The following DCDC1 variants were observed in gnomAD, a reference collection of about 807,000 sequenced individuals.
DCDC1 encodes the protein doublecortin domain containing 1.
In DCDC1, 200 loss-of-function variants were observed where a neutral mutation model predicts 178.3. The observed-to-expected ratio is 1.12, with a 90% CI of 1.00 to 1.26. The LOEUF is 1.26. Among genes scored for constraint, DCDC1 ranks in the 50% most tolerant of loss-of-function variants. DCDC1 has a pLI of 0.00. For missense variants in DCDC1, 1,983 were observed against 1,749.2 expected (o/e 1.13, Z -2.38); for synonymous variants, 690 against 604.8 (o/e 1.14, Z -2.07).
chr11:31,193,239 T>C (rs1970322384), intron 9 of DCDC1, among the ~76,000 whole-genome samples: 1 of 152,050 alleles, frequency 6.6e-6, no homozygotes, highest in Admixed American at 6.6e-5. Flanking sequence ...TCCTCTCTTA[T>C]ATATCTATAT....
At chr11:30,985,861 A>AT (rs1299177778) in intron 20 of DCDC1, among the ~76,000 whole-genome samples, 2 of 152,142 alleles carry the variant, frequency 1.3e-5, no homozygotes, top group African/African-American at 4.8e-5. Flanking sequence ...ATTATGACAA[A>AT]TTTTTTTAAT....
intron 7 of DCDC1, among the ~76,000 whole-genome samples, chr11:31,267,350 C>T (rs1945237334): frequency 6.6e-6 from 1 of 152,042 alleles, no homozygotes; most frequent in South Asian, 2.1e-4. Context: ...GCCACCACGC[C>T]CGGCTAATTT....
chr11:31,282,989 T>C (rs2137301130), intron 7 of DCDC1, among the ~76,000 whole-genome samples: 1 of 152,298 alleles, frequency 6.6e-6, no homozygotes, highest in African/African-American at 2.4e-5. Context: ...ATGTGTTTCC[T>C]CCCCTCTGGT....
intron 1 of DCDC1, among the ~76,000 whole-genome samples, chr11:31,346,646 TA>T (rs1023399864): frequency 5.3e-5 from 8 of 152,196 alleles, no homozygotes; most frequent in Admixed American, 5.2e-4. Context: ...GAAATGATTG[TA>T]TTGAATATGA....
intron 9 of DCDC1, among the ~76,000 whole-genome samples, chr11:31,237,360 T>C (rs949157041): frequency 2.0e-5 from 3 of 151,908 alleles, no homozygotes; most frequent in Non-Finnish European, 4.4e-5. Context: ...ATCTGCAATA[T>C]TGTTACAATT....
At chr11:30,932,214 GA>G (rs10717611) in intron 21 of DCDC1, among the ~76,000 whole-genome samples, 152,199 of 152,202 alleles carry the variant, frequency 1, 76,098 homozygotes, top group Middle Eastern at 1. Flanking sequence ...CATCATTCTC[GA>G]AAAAATAGAA....
chr11:30,957,949 T>A (rs1213236712), intron 20 of DCDC1, among the ~76,000 whole-genome samples: 1 of 152,160 alleles, frequency 6.6e-6, no homozygotes, highest in Admixed American at 6.6e-5. Context: ...GCAGAAGAAC[T>A]CAAGCCTGGT....
intron 30 of DCDC1, 181 bp downstream of exon 30, chr11:30,906,359 C>A (rs1945059870): frequency 3.2e-6 from 2 of 619,884 alleles, no homozygotes; most frequent in South Asian, 5.0e-5. Context: ...TATTAATAGA[C>A]AATGCATTTT....
intron 7 of DCDC1, among the ~76,000 whole-genome samples, chr11:31,267,668 A>T (rs1945262142): frequency 6.6e-6 from 1 of 152,202 alleles, no homozygotes; most frequent in African/African-American, 2.4e-5. Flanking sequence ...TTCTTCAGTG[A>T]CTACTGCCCA....
chr11:31,125,920 T>TA (rs905138972), intron 11 of DCDC1, among the ~76,000 whole-genome samples: 1 of 150,364 alleles, frequency 6.7e-6, no homozygotes, highest in Non-Finnish European at 1.5e-5. Flanking sequence ...CCCTAGAACT[T>TA]AAAAAAAAAT....
At chr11:31,205,742 A>C (rs1365182554) in intron 9 of DCDC1, among the ~76,000 whole-genome samples, 2 of 152,206 alleles carry the variant, frequency 1.3e-5, no homozygotes, top group Non-Finnish European at 2.9e-5. Flanking sequence ...TCAGATTTGC[A>C]AATAAAAATT....
chr11:30,975,104 A>G (rs1279829231), intron 20 of DCDC1, among the ~76,000 whole-genome samples: 2 of 152,148 alleles, frequency 1.3e-5, no homozygotes, highest in African/African-American at 4.8e-5. Flanking sequence ...ATACATCAAG[A>G]GAATGAGGTA....
At chr11:30,972,843 A>T (rs147521708) in intron 20 of DCDC1, among the ~76,000 whole-genome samples, 1 of 152,174 alleles carries the variant, frequency 6.6e-6, no homozygotes, top group African/African-American at 2.4e-5. Flanking sequence ...CTCATGTTCA[A>T]TTATAATCCC....
intron 9 of DCDC1, among the ~76,000 whole-genome samples, chr11:31,209,769 G>T (rs1388618959): frequency 2.6e-5 from 4 of 152,170 alleles, no homozygotes; most frequent in African/African-American, 9.7e-5. Flanking sequence ...AGAGAGGAAT[G>T]CTGGAAAGGT....
At chr11:31,343,232 C>CAGTCT (rs1294936666) in intron 1 of DCDC1, among the ~76,000 whole-genome samples, 1 of 152,140 alleles carries the variant, frequency 6.6e-6, no homozygotes, top group Non-Finnish European at 1.5e-5. Flanking sequence ...GCGAGAGGAT[C>CAGTCT]ACTTGAGCCC....
chr11:31,087,634 T>G (rs553040355), intron 17 of DCDC1, among the ~76,000 whole-genome samples: 3 of 152,254 alleles, frequency 2.0e-5, no homozygotes, highest in Admixed American at 2.0e-4. Context: ...ATCTGGGGGT[T>G]TTGCAGAAAA....
chr11:31,118,561 A>G (rs866612824), intron 11 of DCDC1, among the ~76,000 whole-genome samples: 3 of 152,178 alleles, frequency 2.0e-5, no homozygotes, highest in Non-Finnish European at 4.4e-5. Flanking sequence ...TATGTAGGAA[A>G]GGAATCTCAG....
At chr11:30,970,030 C>T (rs1441209238) in intron 20 of DCDC1, among the ~76,000 whole-genome samples, 2 of 151,994 alleles carry the variant, frequency 1.3e-5, no homozygotes, top group South Asian at 4.1e-4. Context: ...ACAGAAAACA[C>T]CAAAAGCAAG....
chr11:31,222,170 C>T (rs1246578896), intron 9 of DCDC1, among the ~76,000 whole-genome samples: 1 of 152,142 alleles, frequency 6.6e-6, no homozygotes, highest in African/African-American at 2.4e-5. Context: ...TCAAGTGATT[C>T]TCCTGCCTCA....
Sources: allele counts gnomAD v4.1 joint callset (sites outside exome capture counted in the v4.1 genomes callset), GRCh38; gene constraint gnomAD v4.1.1; transcripts MANE v1.5; gene names NCBI Gene and HGNC (gene_info 2026-07-23, HGNC 2026-07-21).